Variants in CRB1 observed in about 807,000 individuals in gnomAD.
CRB1 encodes protein crumbs homolog 1.
Under a neutral mutation model 120.0 loss-of-function variants are expected in CRB1, and 83 were observed. The ratio of observed to expected loss-of-function variants is 0.69; its 90% CI spans 0.58 to 0.83. The LOEUF (loss-of-function observed/expected upper bound fraction) is 0.83, where lower values mean the gene tolerates loss of function less well. Among genes scored for constraint, CRB1 ranks in the 40% least tolerant of loss-of-function variants. The pLI, the probability that CRB1 is intolerant of heterozygous loss-of-function variation, is 0.00. For missense variants in CRB1, 1,699 were observed against 1,687.6 expected, an observed-to-expected ratio of 1.01 and a Z score of -0.12; for synonymous variants, 625 against 612.5, an observed-to-expected ratio of 1.02 and a Z score of -0.30.
At chr1:197,351,368 A>G (rs1392130584) in intron 4 of CRB1, among the ~76,000 whole-genome samples, 119 of 148,788 alleles carry the variant, frequency 8.0e-4, no homozygotes, top group African/African-American at 2.6e-3. Context: ...ACTTGGCAAA[A>G]AAAAAAAAAA....
intron 4 of CRB1, among the ~76,000 whole-genome samples, chr1:197,352,613 CTGAA>C (rs1471190029): frequency 2.6e-5 from 4 of 151,316 alleles, no homozygotes; most frequent in Non-Finnish European, 4.4e-5. Context: ...TTAAGAGACT[CTGAA>C]TGATCTTTGT....
At chr1:197,259,248 A>C in the CRB1 span, among the ~76,000 whole-genome samples, 1 of 152,218 alleles carries the variant, frequency 6.6e-6, no homozygotes, top group African/African-American at 2.4e-5. Context: ...TTGCAGTGCT[A>C]TTCACAATAG....
chr1:197,283,553 T>C (rs1018516683), intron 1 of CRB1, among the ~76,000 whole-genome samples: 1 of 151,866 alleles, frequency 6.6e-6, no homozygotes, highest in Non-Finnish European at 1.5e-5. Flanking sequence ...CCACCCAAGT[T>C]GCTGCAAATG....
intron 1 of CRB1, among the ~76,000 whole-genome samples, chr1:197,319,832 G>T (rs1658087428): frequency 6.6e-6 from 1 of 152,144 alleles, no homozygotes; most frequent in Admixed American, 6.5e-5. Context: ...TAATCATGAT[G>T]GGAGATTTTT....
intron 1 of CRB1, among the ~76,000 whole-genome samples, chr1:197,269,813 G>C (rs1056880638): frequency 6.6e-6 from 1 of 152,160 alleles, no homozygotes; most frequent in Non-Finnish European, 1.5e-5. Flanking sequence ...TTAATTAAAA[G>C]TATAGTAACT....
intron 1 of CRB1, among the ~76,000 whole-genome samples, chr1:197,269,379 G>T (rs1005708780): frequency 2.5e-4 from 38 of 152,216 alleles, no homozygotes; most frequent in Admixed American, 1.0e-3. Context: ...ACGGTTTACA[G>T]TTGAACATAT....
chr1:197,428,758 G>A (rs1664723579), intron 7 of CRB1, among the ~76,000 whole-genome samples: 1 of 152,196 alleles, frequency 6.6e-6, no homozygotes, highest in Non-Finnish European at 1.5e-5. Flanking sequence ...ACTGTGGAAA[G>A]CAAGCATTAT....
At chr1:197,306,987 A>G (rs892664934) in intron 1 of CRB1, among the ~76,000 whole-genome samples, 4 of 152,326 alleles carry the variant, frequency 2.6e-5, no homozygotes, top group Admixed American at 6.5e-5. Flanking sequence ...CTCTTATAGT[A>G]AAAACAAATG....
At chr1:197,256,351 A>G in the CRB1 span, among the ~76,000 whole-genome samples, 10 of 151,620 alleles carry the variant, frequency 6.6e-5, no homozygotes, top group African/African-American at 2.4e-4. Flanking sequence ...TTCCTTTATT[A>G]TTATTATTTT....
chr1:197,476,395 TGTGCGC>T (rs1393419016), intron 11 of CRB1, among the ~76,000 whole-genome samples: 7 of 142,228 alleles, frequency 4.9e-5, no homozygotes, highest in African/African-American at 1.7e-4. Flanking sequence ...TGTGTGTGTG[TGTGCGC>T]GTCTTCCTCT....
intron 5 of CRB1, among the ~76,000 whole-genome samples, chr1:197,389,328 A>G (rs1350473617): frequency 6.6e-6 from 1 of 152,162 alleles, no homozygotes; most frequent in Non-Finnish European, 1.5e-5. Context: ...ATATAAATAT[A>G]CCATACATAT....
intron 4 of CRB1, among the ~76,000 whole-genome samples, chr1:197,352,647 G>T (rs1435820476): frequency 6.6e-6 from 1 of 150,872 alleles, no homozygotes; most frequent in African/African-American, 2.4e-5. Flanking sequence ...TCACTACAAA[G>T]GATTGTTGGG....
At chr1:197,299,190 A>G (rs1254189443) in intron 1 of CRB1, among the ~76,000 whole-genome samples, 1 of 152,146 alleles carries the variant, frequency 6.6e-6, no homozygotes, top group Non-Finnish European at 1.5e-5. Context: ...AATGGAAATG[A>G]GACATGAAGA....
At chr1:197,334,536 T>C (rs1219916039) in intron 2 of CRB1, among the ~76,000 whole-genome samples, 2 of 152,192 alleles carry the variant, frequency 1.3e-5, no homozygotes, top group Non-Finnish European at 2.9e-5. Flanking sequence ...TGAGGAACAA[T>C]GTTCCTATCC....
chr1:197,289,827 T>A (rs944606994), intron 1 of CRB1, among the ~76,000 whole-genome samples: 3 of 151,702 alleles, frequency 2.0e-5, no homozygotes, highest in African/African-American at 7.2e-5. Flanking sequence ...TTCTTTTTTA[T>A]ATAATGTGCT....
intron 11 of CRB1, among the ~76,000 whole-genome samples, chr1:197,467,885 TC>T (rs1463861309): frequency 6.6e-6 from 1 of 152,156 alleles, no homozygotes; most frequent in Non-Finnish European, 1.5e-5. Context: ...ATGAAATTGC[TC>T]CCTCCATTCT....
rs755942444 is a variant in CRB1, at chr1:197,328,629, G to A, written c.278G>A (p.Ser93Asn). 5.6e-6 allele frequency: 9 copies of A among 1,614,206 alleles called. No homozygotes were observed. In the East Asian group the frequency reaches 6.7e-5, roughly 12 times the overall value. ...ATCVNTPGER[S>N]FLCKCPPGYS... ...TGTGTGAACACCCCAGGAGAAAGGAGCTTTCTGTGCAAATGTCCTCCTGGG... is the reference window on the plus strand; with the variant it reads ...TGTGTGAACACCCCAGGAGAAAGGAACTTTCTGTGCAAATGTCCTCCTGGG... Residue 93 changes from serine (S) to asparagine (N), a missense_variant, in exon 2 of 12, where the codon AGC (serine) becomes AAC (asparagine). By Grantham distance (46) the Ser-to-Asn change is conservative. Coordinates refer to ENST00000367400, the MANE Select transcript of CRB1 (RefSeq NM_201253.3).
At chr1:197,384,370 C>T (rs992764442) in intron 5 of CRB1, among the ~76,000 whole-genome samples, 7 of 152,114 alleles carry the variant, frequency 4.6e-5, no homozygotes, top group African/African-American at 1.7e-4. Context: ...AAGGCTTGGA[C>T]CCACATTTCC....
intron 1 of CRB1, among the ~76,000 whole-genome samples, chr1:197,300,599 A>G (rs1656807422): frequency 6.6e-6 from 1 of 150,532 alleles, no homozygotes; most frequent in Non-Finnish European, 1.5e-5. Flanking sequence ...CCATCTCCAT[A>G]ACATAAGAGT....
Sources: allele counts gnomAD v4.1 joint callset (sites outside exome capture counted in the v4.1 genomes callset), GRCh38; gene constraint gnomAD v4.1.1; transcripts MANE v1.5; gene names NCBI Gene and HGNC (gene_info 2026-07-23, HGNC 2026-07-21).